CELF2: variants seen among roughly 807,000 people sequenced by gnomAD.
CELF2 encodes the protein CUG triplet repeat RNA-binding protein 2.
In CELF2, 8 loss-of-function variants were observed where a neutral mutation model predicts 62.6. The observed-to-expected ratio is 0.13, with a 90% confidence interval of 0.07 to 0.23. The LOEUF (loss-of-function observed/expected upper bound fraction) is 0.23, where lower values mean the gene tolerates loss of function less well. Among genes scored for constraint, CELF2 ranks in the 10% least tolerant of loss-of-function variants. The probability of loss-of-function intolerance (pLI) is 1.00; values close to 1 mark genes in which losing one functional copy is unlikely to be tolerated. For missense variants in CELF2, 333 were observed against 671.0 expected, an observed-to-expected ratio of 0.50 and a Z score of 5.56; for synonymous variants, 258 against 250.0, an observed-to-expected ratio of 1.03 and a Z score of -0.30.
At chr10:10,694,279 C>T in the CELF2 span, among the ~76,000 whole-genome samples, 4 of 151,944 alleles carry the variant, frequency 2.6e-5, no homozygotes, top group Non-Finnish European at 5.9e-5. Context: ...ACCCAGTAGT[C>T]ATTCAGGAGC....
intron 1 of CELF2, among the ~76,000 whole-genome samples, chr10:11,054,361 A>G (rs1163362309): frequency 6.6e-6 from 1 of 152,190 alleles, no homozygotes. Context: ...ATTTATGGCA[A>G]TGGTTCCTAG....
At chr10:10,535,582 T>G in the CELF2 span, among the ~76,000 whole-genome samples, 2 of 152,052 alleles carry the variant, frequency 1.3e-5, no homozygotes, top group African/African-American at 4.8e-5. Flanking sequence ...TAGCTGGGCA[T>G]GGTGGCGGGC....
chr10:10,710,881 A>C, the CELF2 span, among the ~76,000 whole-genome samples: 1 of 152,254 alleles, frequency 6.6e-6, no homozygotes, highest in East Asian at 1.9e-4. Flanking sequence ...GAAATGGCCT[A>C]ACAGAAAAAT....
chr10:10,998,464 A>T (rs2054191668), intron 2 of CELF2, among the ~76,000 whole-genome samples: 1 of 152,226 alleles, frequency 6.6e-6, no homozygotes, highest in Non-Finnish European at 1.5e-5. Context: ...TACCACTGCA[A>T]TGTAAAATAA....
chr10:10,945,865 T>A (rs756015459), intron 2 of CELF2, among the ~76,000 whole-genome samples: 1 of 152,232 alleles, frequency 6.6e-6, no homozygotes, highest in South Asian at 2.1e-4. Flanking sequence ...TATTATGGGA[T>A]GTTAATGCCT....
the CELF2 span, among the ~76,000 whole-genome samples, chr10:10,695,637 G>A: frequency 1.3e-5 from 2 of 151,998 alleles, no homozygotes; most frequent in Admixed American, 6.6e-5. Flanking sequence ...ATCACTTTCA[G>A]GTACACCAAT....
the CELF2 span, among the ~76,000 whole-genome samples, chr10:10,529,012 T>C: frequency 6.6e-6 from 1 of 152,228 alleles, no homozygotes; most frequent in African/African-American, 2.4e-5. Flanking sequence ...CTGGAGAGTG[T>C]CTTATCAGCC....
chr10:11,048,638 C>T (rs1389409121), intron 1 of CELF2, among the ~76,000 whole-genome samples: 2 of 152,182 alleles, frequency 1.3e-5, no homozygotes, highest in African/African-American at 4.8e-5. Context: ...GCTGTGAAAA[C>T]GCATTCATAA....
chr10:10,881,928 A>G (rs2061462613), intron 1 of CELF2, among the ~76,000 whole-genome samples: 1 of 152,192 alleles, frequency 6.6e-6, no homozygotes, highest in Admixed American at 6.6e-5. Context: ...TCTCCCAAAG[A>G]TTAGTAATAT....
chr10:11,139,759 A>G (rs1269743826), intron 1 of CELF2, among the ~76,000 whole-genome samples: 1 of 152,100 alleles, frequency 6.6e-6, no homozygotes, highest in Non-Finnish European at 1.5e-5. Context: ...TGCTTCTTCT[A>G]AATTTTAGTT....
the CELF2 span, among the ~76,000 whole-genome samples, chr10:10,553,681 A>G: frequency 6.6e-6 from 1 of 152,152 alleles, no homozygotes; most frequent in East Asian, 1.9e-4. Flanking sequence ...TGCAGAAGTG[A>G]TGACTGAGCC....
chr10:10,794,909 G>T (rs970869019), upstream of CELF2: 2 of 152,160 alleles, frequency 1.3e-5, no homozygotes, highest in African/African-American at 4.8e-5. Flanking sequence ...GGCGCTCTCT[G>T]CCAAGGTCTG....
chr10:11,204,245 C>T (rs1209384229), intron 2 of CELF2, among the ~76,000 whole-genome samples: 1 of 152,202 alleles, frequency 6.6e-6, no homozygotes, highest in African/African-American at 2.4e-5. Flanking sequence ...GGGCTTGGCA[C>T]TGTGTATACA....
intron 2 of CELF2, among the ~76,000 whole-genome samples, chr10:11,166,752 C>T (rs930194420): frequency 6.6e-5 from 10 of 152,320 alleles, no homozygotes; most frequent in African/African-American, 2.4e-4. Flanking sequence ...GTTGGGCACA[C>T]GAACATATTG....
At chr10:10,774,887 T>A in the CELF2 span, among the ~76,000 whole-genome samples, 2,110 of 136,504 alleles carry the variant, frequency 0.015, 33 homozygotes, top group Non-Finnish European at 0.023. Context: ...TTATTTATTT[T>A]TTTTTTTTTG....
Position 11,178,177 on chromosome 10 carries a change from G to T in CELF2, c.271+12495G>T, listed in dbSNP as rs2071930457. On this transcript the variant is annotated intron_variant, in intron 2 of 12. Transcript: ENST00000633077. The surrounding 1 kb of genome is among the most constrained non-coding windows in gnomAD (Gnocchi z 4.3). ...GGCGCAAAGAGGAAATGCGCGTTCT[G>T]TGCCCAGTCCTCGCTCCCCTTTGCC... is the stretch of plus-strand genomic sequence containing the variant. Among the ~76,000 whole-genome samples the T allele has an allele frequency of 1.3e-5, 2 of 152,214 alleles. No homozygotes were observed. Among genetic ancestry groups the T allele is most frequent in the African/African-American group, 4.8e-5 (2 of 41,446 alleles).
At chr10:10,598,814 C>T in the CELF2 span, among the ~76,000 whole-genome samples, 15 of 118,898 alleles carry the variant, frequency 1.3e-4, no homozygotes, top group African/African-American at 4.9e-4. Flanking sequence ...GGCTGGAGTG[C>T]GGGATCTCGG....
At position 11,335,650 on chromosome 10, in the gene CELF2, G is replaced by A. The variant is rs964066040; in HGVS notation, c.*6597G>A. 1 of 152,096 alleles carries A rather than the reference G, an allele frequency of 6.6e-6. No homozygotes were observed. Among genetic ancestry groups the A allele is most frequent in the Admixed American group, 6.5e-5 (1 of 15,270 alleles). 9.4% of individuals were successfully genotyped at this position (152,096 alleles called of 1,614,324 possible). The stretch of plus-strand genomic sequence containing the variant: ...CTCATAGCCTTCGGCAGTCTCCTCT[G>A]AAAACACACTGCCTACGTTAGTGGG... On this transcript the variant is annotated 3_prime_UTR_variant, in exon 13 of 13. Coordinates refer to ENST00000633077, the MANE Select transcript of CELF2 (RefSeq NM_001326342.2). This position sits in a 1 kb window ranked among gnomAD's most constrained non-coding sequence, Gnocchi z 5.0.
the CELF2 span, among the ~76,000 whole-genome samples, chr10:10,624,380 G>A: frequency 1.3e-4 from 20 of 152,214 alleles, no homozygotes; most frequent in Middle Eastern, 3.4e-3. Flanking sequence ...GTCATGCTTC[G>A]ATGGCATTAC....
Sources: gnomAD v4.1 joint callset for allele counts (sites outside exome capture counted in the v4.1 genomes callset) on GRCh38, gnomAD v4.1.1 for gene constraint, Gnocchi (gnomAD v3.1) non-coding constraint, MANE v1.5 for transcripts, NCBI Gene and HGNC (gene_info 2026-07-23, HGNC 2026-07-21) for gene names.